Variants in MIB1 observed in about 807,000 individuals in gnomAD.
MIB1 encodes MIB E3 ubiquitin protein ligase 1.
In MIB1, 278 loss-of-function variants were observed where a neutral mutation model predicts 124.5. The observed-to-expected ratio is 2.23, with a 90% CI of 2.02 to 2.47. The LOEUF is 2.47. MIB1 is among the 30% of genes most tolerant of loss of function. MIB1 has a pLI of 0.00. For synonymous variants in MIB1, 446 were observed against 429.4 expected (o/e 1.04, Z -0.48); for missense variants, 957 against 1,254.4 (o/e 0.76, Z 3.58).
At chr18:21,789,172 C>A (rs2041472652) in intron 6 of MIB1, among the ~76,000 whole-genome samples, 1 of 152,118 alleles carries the variant, frequency 6.6e-6, no homozygotes, top group Non-Finnish European at 1.5e-5. Context: ...CAGGGAGAAT[C>A]TGTTGTATGC....
At chr18:21,723,961 C>G (rs984043962) in intron 1 of MIB1, among the ~76,000 whole-genome samples, 3 of 152,154 alleles carry the variant, frequency 2.0e-5, no homozygotes, top group African/African-American at 7.2e-5. Context: ...GCCTTGGCCT[C>G]CCAAAGTGCT....
chr18:21,800,016 A>G (rs1340138510), intron 9 of MIB1, 42 bp downstream of exon 9: 1 of 1,541,260 alleles, frequency 6.5e-7, no homozygotes, highest in South Asian at 1.1e-5. Flanking sequence ...CAAAAAGTAG[A>G]ATAGTATAAT....
At chr18:21,779,452 C>T (rs1302886892) in intron 5 of MIB1, 29 bp from the exon 6 acceptor site, 1 of 1,592,042 alleles carries the variant, frequency 6.3e-7, no homozygotes, top group Non-Finnish European at 8.6e-7. Context: ...TTTTTTTCTC[C>T]CTTTATTCAA....
chr18:21,833,652 G>A (rs903356615), intron 12 of MIB1, among the ~76,000 whole-genome samples: 1 of 152,174 alleles, frequency 6.6e-6, no homozygotes, highest in African/African-American at 2.4e-5. Flanking sequence ...AGATTGCAAA[G>A]CATGGCAGGC....
chr18:21,733,263 A>G (rs1437957774), intron 1 of MIB1, among the ~76,000 whole-genome samples: 1 of 152,186 alleles, frequency 6.6e-6, no homozygotes, highest in Non-Finnish European at 1.5e-5. Flanking sequence ...TTAATTTTTC[A>G]GTGGAATTAT....
rs1219948362 is a variant in MIB1 at position 21,798,236 on chromosome 18, T to C, written c.1237+8T>C. On this transcript the variant is annotated splice_region_variant and intron_variant, in intron 8 of 20. Coordinates refer to ENST00000261537, the MANE Select transcript of MIB1 (RefSeq NM_020774.4). ...TTAGCAATGCATCTGGTGGTATGTT[T>C]TATATTGTGTTTCTTTAAGAGTAAT... 3 of 1,612,122 alleles carry C rather than the reference T, an allele frequency of 1.9e-6. No homozygotes were observed. In the African/African-American group the frequency reaches 4.0e-5, roughly 22 times the overall value.
intron 1 of MIB1, among the ~76,000 whole-genome samples, chr18:21,721,168 T>G (rs1410189889): frequency 1.1e-5 from 1 of 94,754 alleles, no homozygotes; most frequent in Admixed American, 1.0e-4. Context: ...AGTTTTTTTT[T>G]TTTTTTTTTT....
intron 10 of MIB1, among the ~76,000 whole-genome samples, chr18:21,806,179 C>T (rs1185092200): frequency 2.6e-5 from 4 of 151,154 alleles, no homozygotes; most frequent in African/African-American, 9.7e-5. Context: ...GCTGGGATTA[C>T]TGGCATGAGC....
chr18:21,717,110 C>A (rs548353685), intron 1 of MIB1, among the ~76,000 whole-genome samples: 1 of 152,268 alleles, frequency 6.6e-6, no homozygotes, highest in South Asian at 2.1e-4. Context: ...CAAATACTTA[C>A]AGCCAACTGA....
Position 21,741,726 on chromosome 18 carries a change from T to C in MIB1, c.143T>C (p.Val48Ala). The C allele has an allele frequency of 6.2e-7, 1 of 1,610,816 alleles. No individual in the cohort carries two copies. Among genetic ancestry groups the C allele is most frequent in the Non-Finnish European group, 8.5e-7 (1 of 1,179,194 alleles). The change falls in exon 1 of 21, where the codon GTG becomes GCG. Residue 48 changes from valine to alanine, a missense_variant. Val to Ala is a moderately conservative substitution (Grantham distance 64). Coordinates refer to ENST00000261537, the MANE Select transcript of MIB1 (RefSeq NM_020774.4). The surrounding 1 kb of genome is among the most constrained non-coding windows in gnomAD (Gnocchi z 5.4). ...CGGAGCTTCGAGAGCCCCGAGGAGGTGGTGGTAGTGTGGGACAACGGCACA... is the reference window on the plus strand; with the variant it reads ...CGGAGCTTCGAGAGCCCCGAGGAGGCGGTGGTAGTGTGGGACAACGGCACA... ...TVRSFESPEEVVVVWDNGTAA... is the reference protein window; with the variant it reads ...TVRSFESPEEAVVVWDNGTAA...
rs981168075 is a variant in MIB1 at position 21,817,548 on chromosome 18, A to G, written c.1677+1735A>G. ...TATCTAACTCTCATTGCAGAATGAA[A>G]GCAGCCATAGATAATACATAAATGA... On this transcript the variant is annotated intron_variant, in intron 11 of 20. Coordinates refer to ENST00000261537, the MANE Select transcript of MIB1 (RefSeq NM_020774.4). 2.4e-5 allele frequency: 5 copies of G among 206,188 alleles called. No homozygotes were observed. In the Admixed American group the frequency reaches 2.7e-4, roughly 11 times the overall value. The allele number at this position is 206,188 out of a possible 1,614,324, so 12.8% of individuals were successfully genotyped here.
At chr18:21,791,645 CA>C in intron 7 of MIB1, 88 bp downstream of exon 7, 1 of 1,097,810 alleles carries the variant, frequency 9.1e-7, no homozygotes. Context: ...ATTAAATTGG[CA>C]TAAAACTTCT....
Position 21,791,368 on chromosome 18 carries a change from T to A in MIB1, c.909-6T>A, listed in dbSNP as rs533241355. The A allele has an allele frequency of 1.2e-6, 2 of 1,603,052 alleles. No individual in the cohort carries two copies. Among genetic ancestry groups the A allele is most frequent in the African/African-American group, 1.3e-5 (1 of 74,784 alleles). Reference sequence around the variant, plus strand: ...CCCATTTTGAGGTTTAGCTTTGCTCTTGTAGGTGGACCTTCAATCCTGCTG... The same window carrying A: ...CCCATTTTGAGGTTTAGCTTTGCTCATGTAGGTGGACCTTCAATCCTGCTG... On this transcript the variant is annotated splice_polypyrimidine_tract_variant and splice_region_variant and intron_variant, in intron 6 of 20. Transcript: ENST00000261537.
chr18:21,710,234 T>C (rs1381770241), intron 1 of MIB1, among the ~76,000 whole-genome samples: 2 of 152,040 alleles, frequency 1.3e-5, no homozygotes, highest in Non-Finnish European at 2.9e-5. Flanking sequence ...TAACTGGGAT[T>C]ACAGGCATGC....
intron 1 of MIB1, among the ~76,000 whole-genome samples, chr18:21,756,539 G>A (rs946098927): frequency 8.6e-5 from 13 of 151,824 alleles, no homozygotes; most frequent in African/African-American, 1.5e-4. Flanking sequence ...ATCCTGGCTC[G>A]CTGCAACCTT....
intron 7 of MIB1, chr18:21,794,220 G>A (rs2041547562): frequency 6.6e-6 from 1 of 152,042 alleles, no homozygotes; most frequent in Admixed American, 6.6e-5. Context: ...TGAAAAAAGT[G>A]TAAGAGAATG....
chr18:21,843,864 C>T (rs1281161678), intron 14 of MIB1, among the ~76,000 whole-genome samples: 1 of 152,124 alleles, frequency 6.6e-6, no homozygotes, highest in Non-Finnish European at 1.5e-5. Flanking sequence ...TATTGATTCT[C>T]ATATATTTTT....
chr18:21,859,033 G>T (rs1340489895), intron 20 of MIB1, among the ~76,000 whole-genome samples: 1 of 152,182 alleles, frequency 6.6e-6, no homozygotes, highest in Non-Finnish European at 1.5e-5. Flanking sequence ...CACTTCGGAA[G>T]ACAGTTTGTC....
Position 21,819,473 on chromosome 18 carries a change from G to T in MIB1, c.1678-22G>T, listed in dbSNP as rs773562812. 4.0e-6 allele frequency: 6 copies of T among 1,511,940 alleles called. No homozygotes were observed. The African/African-American group carries it at 8.3e-5, about 21-fold the overall frequency. 93.7% of individuals were successfully genotyped at this position (1,511,940 alleles called of 1,614,324 possible). A position where few individuals can be genotyped will look rare whatever the true frequency, so the allele number is the denominator to read the frequency against. On this transcript the variant is annotated intron_variant, in intron 11 of 20. Coordinates refer to ENST00000261537, the MANE Select transcript of MIB1 (RefSeq NM_020774.4). ...TGGGATAATTAATTGAAGAACTAAT[G>T]AAAATTTCTTTAAACTTAAAGGATT...
Sources: gnomAD v4.1 joint callset for allele counts (sites outside exome capture counted in the v4.1 genomes callset) on GRCh38, gnomAD v4.1.1 for gene constraint, Gnocchi (gnomAD v3.1) non-coding constraint, MANE v1.5 for transcripts, NCBI Gene and HGNC (gene_info 2026-07-23, HGNC 2026-07-21) for gene names.